The following RAVER2 variants were observed in gnomAD, a reference collection of about 807,000 sequenced individuals.
RAVER2 encodes the protein ribonucleoprotein PTB-binding 2.
Under a neutral mutation model 78.1 loss-of-function variants are expected in RAVER2, and 46 were observed. The ratio of observed to expected loss-of-function variants is 0.59; its 90% CI spans 0.46 to 0.75. RAVER2 has a LOEUF of 0.75. Among genes scored for constraint, RAVER2 ranks in the 30% least tolerant of loss-of-function variants. RAVER2 has a pLI of 0.00. For synonymous variants in RAVER2, 311 were observed against 313.3 expected, an observed-to-expected ratio of 0.99 and a Z score of 0.08; for missense variants, 793 against 837.5, an observed-to-expected ratio of 0.95 and a Z score of 0.66.
At chr1:64,763,972 A>G (rs1445133552) in intron 1 of RAVER2, among the ~76,000 whole-genome samples, 1 of 149,884 alleles carries the variant, frequency 6.7e-6, no homozygotes, top group Non-Finnish European at 1.5e-5. Context: ...CATGTAATTT[A>G]GCAATTCTAC....
chr1:64,779,018 C>T (rs556861252), intron 3 of RAVER2, among the ~76,000 whole-genome samples: 1 of 148,784 alleles, frequency 6.7e-6, no homozygotes, highest in African/African-American at 2.4e-5. Flanking sequence ...TTTAAGTTGA[C>T]AGTTAAAATT....
At chr1:64,807,582 A>G (rs767226431) in intron 9 of RAVER2, 108 bp downstream of exon 9, 190 of 1,143,440 alleles carry the variant, frequency 1.7e-4, no homozygotes, top group Non-Finnish European at 2.1e-4. Flanking sequence ...TGACTTTTTC[A>G]TAGTTTACAT....
intron 2 of RAVER2, 131 bp from the exon 3 acceptor site, chr1:64,777,492 G>A (rs1418833498): frequency 1.7e-5 from 12 of 695,540 alleles, no homozygotes; most frequent in Admixed American, 2.9e-5. Flanking sequence ...TATAGTAGGG[G>A]TATTAACTTA....
At chr1:64,799,871 G>A (rs1653210117) in intron 5 of RAVER2, among the ~76,000 whole-genome samples, 1 of 152,260 alleles carries the variant, frequency 6.6e-6, no homozygotes, top group Non-Finnish European at 1.5e-5. Context: ...ATTCCCTCCA[G>A]CAGTGTAAGA....
At chr1:64,826,076 A>C (rs376999771) in intron 11 of RAVER2, among the ~76,000 whole-genome samples, 2 of 152,194 alleles carry the variant, frequency 1.3e-5, no homozygotes, top group African/African-American at 4.8e-5. Flanking sequence ...GCCCATGACT[A>C]TTTGCTGAAG....
intron 9 of RAVER2, among the ~76,000 whole-genome samples, chr1:64,809,963 C>T (rs993300931): frequency 3.3e-5 from 5 of 152,110 alleles, no homozygotes; most frequent in Non-Finnish European, 7.4e-5. Context: ...TTCCATTGTA[C>T]GTATATACCA....
intron 2 of RAVER2, among the ~76,000 whole-genome samples, chr1:64,775,502 T>C (rs1231857703): frequency 6.6e-6 from 1 of 152,256 alleles, no homozygotes; most frequent in Non-Finnish European, 1.5e-5. Context: ...ATGGGTGTGA[T>C]TGCCCCCAGA....
chr1:64,782,617 A>G (rs1325576447), intron 4 of RAVER2, among the ~76,000 whole-genome samples: 1 of 152,182 alleles, frequency 6.6e-6, no homozygotes, highest in Non-Finnish European at 1.5e-5. Flanking sequence ...CTGTGTTTTT[A>G]CTTGCTGCAT....
exon 5 of RAVER2, chr1:64,789,450 A>C: frequency 6.2e-7 from 1 of 1,610,420 alleles, no homozygotes; most frequent in Non-Finnish European, 8.5e-7. Flanking sequence ...TGAAAAGTTT[A>C]AACAACCCTG....
chr1:64,781,478 G>T (rs1006556158), exon 4 of RAVER2: 9 of 1,613,954 alleles, frequency 5.6e-6, no homozygotes, highest in Admixed American at 1.7e-5. Context: ...CAGACGGTAT[G>T]ACCATCAAGG....
intron 11 of RAVER2, chr1:64,816,313 G>C (rs376211807): frequency 2.0e-5 from 3 of 152,090 alleles, no homozygotes; most frequent in African/African-American, 7.3e-5. Flanking sequence ...ACACTTGCTT[G>C]CCCAGAGATA....
chr1:64,788,288 T>C (rs1424091840), intron 4 of RAVER2, among the ~76,000 whole-genome samples: 4 of 151,470 alleles, frequency 2.6e-5, no homozygotes, highest in African/African-American at 9.7e-5. Flanking sequence ...CTGGCTAACA[T>C]GGTGAAACCC....
intron 1 of RAVER2, among the ~76,000 whole-genome samples, chr1:64,746,415 A>ACTGCTCCG (rs1488128950): frequency 6.6e-6 from 1 of 152,230 alleles, no homozygotes; most frequent in African/African-American, 2.4e-5. Flanking sequence ...GAATTTATAT[A>ACTGCTCCG]CTGCTCCGAG....
intron 2 of RAVER2, among the ~76,000 whole-genome samples, chr1:64,772,492 G>A (rs988302835): frequency 6.6e-6 from 1 of 152,068 alleles, no homozygotes; most frequent in Admixed American, 6.6e-5. Context: ...GTTTAGTAGG[G>A]TAGCAGGCAT....
chr1:64,833,095 T>G (rs533061091), exon 12 of RAVER2: 6 of 168,714 alleles, frequency 3.6e-5, no homozygotes, highest in African/African-American at 1.2e-4. Context: ...CAAGTGGTGT[T>G]TGTTTGTTTG....
At chr1:64,800,616 A>G (rs1416120863) in intron 5 of RAVER2, among the ~76,000 whole-genome samples, 1 of 152,208 alleles carries the variant, frequency 6.6e-6, no homozygotes, top group Non-Finnish European at 1.5e-5. Context: ...TATCACTTGC[A>G]GAGGAGTTCT....
chr1:64,753,523 CTTT>C (rs59448781), intron 1 of RAVER2, among the ~76,000 whole-genome samples: 43 of 100,882 alleles, frequency 4.3e-4, no homozygotes, highest in African/African-American at 9.2e-4. Flanking sequence ...GTATAGAATT[CTTT>C]TTTTTTTTTT....
At chr1:64,774,976 T>C (rs181393268) in intron 2 of RAVER2, among the ~76,000 whole-genome samples, 1 of 152,286 alleles carries the variant, frequency 6.6e-6, no homozygotes. Flanking sequence ...GGCTCTCTGT[T>C]TGTCTGTTAT....
chr1:64,777,400 C>T (rs1652495070), intron 2 of RAVER2, among the ~76,000 whole-genome samples: 1 of 151,972 alleles, frequency 6.6e-6, no homozygotes, highest in Non-Finnish European at 1.5e-5. Context: ...TTTTGGGTTA[C>T]TGTTGATGAA....
Sources: allele counts gnomAD v4.1 joint callset (sites outside exome capture counted in the v4.1 genomes callset), GRCh38; gene constraint gnomAD v4.1.1; transcripts MANE v1.5; gene names NCBI Gene and HGNC (gene_info 2026-07-23, HGNC 2026-07-21).